The following DAZAP1 variants were observed in gnomAD, a reference collection of about 807,000 sequenced individuals.
The protein encoded by DAZAP1 is DAZ associated protein 1.
DAZAP1 carries 6 observed loss-of-function variants against 60.1 expected under a neutral mutation model. That is an observed-to-expected ratio of 0.10 (90% CI 0.05 to 0.20). The LOEUF is 0.20. Among genes scored for constraint, DAZAP1 ranks in the 10% least tolerant of loss-of-function variants. DAZAP1 has a pLI of 1.00. For synonymous variants in DAZAP1, 235 were observed against 215.9 expected, an observed-to-expected ratio of 1.09 and a Z score of -0.78; for missense variants, 366 against 560.4, an observed-to-expected ratio of 0.65 and a Z score of 3.50.
intron 9 of DAZAP1, 111 bp downstream of exon 9, chr19:1,430,107 G>T (rs1569094353): frequency 6.4e-7 from 1 of 1,557,846 alleles, no homozygotes; most frequent in African/African-American, 1.4e-5. Flanking sequence ...CTGAGTGCTG[G>T]AGAGGAAGAG....
At position 1,432,644 on chromosome 19, in the gene DAZAP1, G is replaced by C; in HGVS notation, c.1002G>C (p.Met334Ile). ...CTCCGTCTCAGGCTGCCCCGGACATGAGCAAGCCCCCGACAGCTCAGCCAG... is the reference window on the plus strand; with the variant it reads ...CTCCGTCTCAGGCTGCCCCGGACATCAGCAAGCCCCCGACAGCTCAGCCAG... ...PPPPSQAAPDMSKPPTAQPDF... is the reference protein window; with the variant it reads ...PPPPSQAAPDISKPPTAQPDF... The change falls in exon 11 of 12, where the codon ATG becomes ATC. Residue 334 changes from methionine to isoleucine, a missense_variant. Physicochemically the swap from Met to Ile is conservative, Grantham distance 10 (BLOSUM62 1). Transcript: ENST00000233078. This position sits in a 1 kb window ranked among gnomAD's most constrained non-coding sequence, Gnocchi z 4.9. 6.2e-7 allele frequency: 1 copy of C among 1,613,132 alleles called. No individual in the cohort carries two copies. Among genetic ancestry groups the C allele is most frequent in the Admixed American group, 1.7e-5 (1 of 59,956 alleles).
In DAZAP1 at chr19:1,418,431, A is replaced by AT. The variant is rs2083050680; in HGVS notation, c.237+67dup. The AT allele has an allele frequency of 6.9e-6, 11 of 1,585,130 alleles. No homozygotes were observed. The highest frequency in any genetic ancestry group is 1.1e-5 in the South Asian group (1 of 89,580). Reference sequence around the variant, plus strand: ...GTCTCCCCTGTCCTTCCTCTGCTTCATTTTTTCCTGGACTCTGACCGATGT... The same window carrying AT: ...GTCTCCCCTGTCCTTCCTCTGCTTCATTTTTTTCCTGGACTCTGACCGATGT... On this transcript the variant is annotated intron_variant, in intron 3 of 11. Coordinates refer to ENST00000233078, the MANE Select transcript of DAZAP1 (RefSeq NM_018959.4). The surrounding 1 kb of genome is among the most constrained non-coding windows in gnomAD (Gnocchi z 5.7).
Position 1,430,254 on chromosome 19 carries a change from GCCCCCCCGCCA to G in DAZAP1, c.769_779del (p.Pro257ThrfsTer166). On this transcript the variant is annotated frameshift_variant, in exon 10 of 12. Transcript: ENST00000233078. LOFTEE classifies it high-confidence loss of function. ...TGGACCGCCCCCTGCAGGAAGAGGAGCCCCCCCGCCACCCCCACCGTTCACCTCCTACATCG... is the reference window on the plus strand; with the variant it reads ...TGGACCGCCCCCTGCAGGAAGAGGAGCCCCCACCGTTCACCTCCTACATCG... 7.7e-7 allele frequency: 1 copy of G among 1,295,250 alleles called. No homozygotes were observed. Among genetic ancestry groups the G allele is most frequent in the Non-Finnish European group, 1.1e-6 (1 of 924,060 alleles). The allele number at this position is 1,295,250 out of a possible 1,614,324, so 80.2% of individuals were successfully genotyped here.
chr19:1,422,362 C>A lies in DAZAP1; in HGVS notation c.429C>A (p.Val143=). ...TCTCCTTCCAGGTCACGGAGGTAGTCATGATCTATGACGCCGAGAAGCAGA... is the reference window on the plus strand; with the variant it reads ...TCTCCTTCCAGGTCACGGAGGTAGTAATGATCTATGACGCCGAGAAGCAGA... ...FKKFGVVTEV[V]MIYDAEKQRP... Residue 143 remains valine (V), a synonymous_variant, in exon 6 of 12, where the codon GTC becomes GTA. Transcript: ENST00000233078. The surrounding 1 kb of genome is among the most constrained non-coding windows in gnomAD (Gnocchi z 4.5). The A allele has an allele frequency of 6.2e-7, 1 of 1,614,124 alleles. No individual in the cohort carries two copies. Among genetic ancestry groups the A allele is most frequent in the Non-Finnish European group, 8.5e-7 (1 of 1,180,006 alleles).
chr19:1,410,395 G>A (rs2082793599), intron 1 of DAZAP1, among the ~76,000 whole-genome samples: 1 of 152,212 alleles, frequency 6.6e-6, no homozygotes, highest in Admixed American at 6.5e-5. Flanking sequence ...AGCGGGGCCT[G>A]TCCTGGTCCT....
Position 1,426,057 on chromosome 19 carries a change from C to G in DAZAP1, c.546+97C>G, listed in dbSNP as rs1162696658. The G allele has an allele frequency of 2.1e-5, 19 of 914,648 alleles. No homozygotes were observed. In the South Asian group the frequency reaches 2.4e-4, roughly 11 times the overall value. 56.7% of individuals were successfully genotyped at this position (914,648 alleles called of 1,614,324 possible). A position where few individuals can be genotyped will look rare whatever the true frequency, so the allele number is the denominator to read the frequency against. On this transcript the variant is annotated intron_variant, in intron 7 of 11. Coordinates refer to ENST00000233078, the MANE Select transcript of DAZAP1 (RefSeq NM_018959.4). This position sits in a 1 kb window ranked among gnomAD's most constrained non-coding sequence, Gnocchi z 5.4. Reference sequence around the variant, plus strand: ...AGGAACATTCCTTCACGGAAAGGGTCGGGCGAGTTCGTCCTGTGAACCTTT... The same window carrying G: ...AGGAACATTCCTTCACGGAAAGGGTGGGGCGAGTTCGTCCTGTGAACCTTT...
intron 1 of DAZAP1, among the ~76,000 whole-genome samples, chr19:1,409,133 C>G (rs1375041628): frequency 6.6e-6 from 1 of 152,230 alleles, no homozygotes; most frequent in Admixed American, 6.5e-5. Flanking sequence ...TAGCCCCTGC[C>G]TAGCCCGTGC....
In DAZAP1 at chr19:1,428,797, C is replaced by T. The variant is rs776429892; in HGVS notation, c.547-45C>T. On this transcript the variant is annotated intron_variant, in intron 7 of 11. Coordinates refer to ENST00000233078, the MANE Select transcript of DAZAP1 (RefSeq NM_018959.4). The surrounding 1 kb of genome is among the most constrained non-coding windows in gnomAD (Gnocchi z 4.0). Reference sequence around the variant, plus strand: ...GGGTGTGTCTAAAGGGAAGGGGGTGCTGGGACCCGCAGCCTCGCCCTAAAC... The same window carrying T: ...GGGTGTGTCTAAAGGGAAGGGGGTGTTGGGACCCGCAGCCTCGCCCTAAAC... 2.5e-6 allele frequency: 4 copies of T among 1,610,066 alleles called. No homozygotes were observed. The East Asian group carries it at 6.7e-5, about 27-fold the overall frequency.
At chr19:1,430,045 G>A (rs2083404403) in intron 9 of DAZAP1, 49 bp downstream of exon 9, 2 of 1,578,520 alleles carry the variant, frequency 1.3e-6, no homozygotes, top group Non-Finnish European at 1.7e-6. Context: ...CCACATGGCA[G>A]GCTGACTCGC....
chr19:1,418,764 G>C lies in DAZAP1; in HGVS notation c.303+33G>C. The stretch of plus-strand genomic sequence containing the variant: ...GCTGGGCCGGGCGGCCTCCTTGTGT[G>C]TTCTCCACTCCACGTGGAAAGGAAA... On this transcript the variant is annotated intron_variant, in intron 4 of 11. Coordinates refer to ENST00000233078, the MANE Select transcript of DAZAP1 (RefSeq NM_018959.4). The surrounding 1 kb of genome is among the most constrained non-coding windows in gnomAD (Gnocchi z 5.7). 6.4e-7 allele frequency: 1 copy of C among 1,570,002 alleles called. No homozygotes were observed. Among genetic ancestry groups the C allele is most frequent in the Middle Eastern group, 1.7e-4 (1 of 5,870 alleles).
chr19:1,409,883 C>G (rs2144687594), intron 1 of DAZAP1: 1 of 152,392 alleles, frequency 6.6e-6, no homozygotes, highest in Non-Finnish European at 1.5e-5. Flanking sequence ...GAGGAGCTCC[C>G]TCTTCCTGAT....
At position 1,418,403 on chromosome 19, in the gene DAZAP1, T is replaced by C. The variant is rs1479965298; in HGVS notation, c.237+33T>C. On this transcript the variant is annotated intron_variant, in intron 3 of 11. Transcript: ENST00000233078. This position sits in a 1 kb window ranked among gnomAD's most constrained non-coding sequence, Gnocchi z 5.7. Reference sequence around the variant, plus strand: ...CCCTTCCGGGAGCTCACACCCGCTCTCTGTCTCCCCTGTCCTTCCTCTGCT... The same window carrying C: ...CCCTTCCGGGAGCTCACACCCGCTCCCTGTCTCCCCTGTCCTTCCTCTGCT... 6.2e-7 allele frequency: 1 copy of C among 1,605,442 alleles called. No homozygotes were observed. The highest frequency in any genetic ancestry group is 1.1e-5 in the South Asian group (1 of 90,792).
chr19:1,433,762 C>T lies in DAZAP1; in HGVS notation c.1049-975C>T. 1 of 1,613,984 alleles carries T rather than the reference C, an allele frequency of 6.2e-7. No homozygotes were observed. The highest frequency in any genetic ancestry group is 1.1e-5 in the South Asian group (1 of 91,084). ...AGGCCTGGGTTCCTATTCTCCAGCC[C>T]CGCCGGGCTGCGGCCCACACTTTGT... is the stretch of plus-strand genomic sequence containing the variant. On this transcript the variant is annotated intron_variant, in intron 11 of 11. Transcript: ENST00000233078. The surrounding 1 kb of genome is among the most constrained non-coding windows in gnomAD (Gnocchi z 6.1).
At position 1,418,399 on chromosome 19, in the gene DAZAP1, G is replaced by T. The variant is rs201197822; in HGVS notation, c.237+29G>T. 2.5e-6 allele frequency: 4 copies of T among 1,605,598 alleles called. No individual in the cohort carries two copies. The African/African-American group carries it at 5.4e-5, about 21-fold the overall frequency. ...AGTGCCCTTCCGGGAGCTCACACCC[G>T]CTCTCTGTCTCCCCTGTCCTTCCTC... On this transcript the variant is annotated intron_variant, in intron 3 of 11. Coordinates refer to ENST00000233078, the MANE Select transcript of DAZAP1 (RefSeq NM_018959.4). This position sits in a 1 kb window ranked among gnomAD's most constrained non-coding sequence, Gnocchi z 5.7.
In DAZAP1 at chr19:1,422,877, C is replaced by T. The variant is rs566150636; in HGVS notation, c.463+481C>T. 6.8e-6 allele frequency among the ~76,000 whole-genome samples: 1 copy of T among 146,512 alleles called. No individual in the cohort carries two copies. The highest frequency in any genetic ancestry group is 2.7e-5 in the African/African-American group (1 of 37,428). Reference sequence around the variant, plus strand: ...TTTTCTTTTTTTTCAGTTTTCTCCCCTCTCTGAAGTCAGCAGGGCAGGTGG... The same window carrying T: ...TTTTCTTTTTTTTCAGTTTTCTCCCTTCTCTGAAGTCAGCAGGGCAGGTGG... On this transcript the variant is annotated intron_variant, in intron 6 of 11. Transcript: ENST00000233078. This position sits in a 1 kb window ranked among gnomAD's most constrained non-coding sequence, Gnocchi z 4.5.
In DAZAP1 at chr19:1,433,551, G is replaced by T; in HGVS notation, c.1048+861G>T. ...CACCTCGCATGGCTGTGGTTCCCCTGCCCCCACGCCCAGGCCTTGGGCCGA... is the reference window on the plus strand; with the variant it reads ...CACCTCGCATGGCTGTGGTTCCCCTTCCCCCACGCCCAGGCCTTGGGCCGA... On this transcript the variant is annotated intron_variant, in intron 11 of 11. Transcript: ENST00000233078. The surrounding 1 kb of genome is among the most constrained non-coding windows in gnomAD (Gnocchi z 6.1). The T allele has an allele frequency of 1.7e-6, 1 of 579,490 alleles. No homozygotes were observed. Among genetic ancestry groups the T allele is most frequent in the Non-Finnish European group, 3.1e-6 (1 of 323,946 alleles). The allele number at this position is 579,490 out of a possible 1,614,324, so 35.9% of individuals were successfully genotyped here.
In DAZAP1 at chr19:1,433,496, A is replaced by C; in HGVS notation, c.1048+806A>C. The C allele has an allele frequency of 1.8e-6, 1 of 543,054 alleles. No homozygotes were observed. Among genetic ancestry groups the C allele is most frequent in the Non-Finnish European group, 3.3e-6 (1 of 301,840 alleles). The allele number at this position is 543,054 out of a possible 1,614,324, so 33.6% of individuals were successfully genotyped here. A position where few individuals can be genotyped will look rare whatever the true frequency, so the allele number is the denominator to read the frequency against. ...GGCCTGGTGGAGGCCGGGGTGTGGG[A>C]GCTGTGTTCGGCCGAGGTGCCCGCC... On this transcript the variant is annotated intron_variant, in intron 11 of 11. Coordinates refer to ENST00000233078, the MANE Select transcript of DAZAP1 (RefSeq NM_018959.4). This position sits in a 1 kb window ranked among gnomAD's most constrained non-coding sequence, Gnocchi z 6.1.
At chr19:1,410,982 G>T (rs2082813288) in intron 1 of DAZAP1, among the ~76,000 whole-genome samples, 1 of 152,224 alleles carries the variant, frequency 6.6e-6, no homozygotes, top group Admixed American at 6.5e-5. Flanking sequence ...CCCATGGCAG[G>T]TCTCTGGGTT....
At chr19:1,417,805 T>A (rs921479103) in intron 2 of DAZAP1, among the ~76,000 whole-genome samples, 3 of 152,192 alleles carry the variant, frequency 2.0e-5, no homozygotes, top group African/African-American at 7.2e-5. Context: ...AGACAGCTGT[T>A]GTCTGGAAGT....
Sources: gnomAD v4.1 joint callset for allele counts (sites outside exome capture counted in the v4.1 genomes callset) on GRCh38, gnomAD v4.1.1 for gene constraint, Gnocchi (gnomAD v3.1) non-coding constraint, MANE v1.5 for transcripts, NCBI Gene and HGNC (gene_info 2026-07-23, HGNC 2026-07-21) for gene names.